Variants in PCDHA2 observed in about 807,000 individuals in gnomAD.
The protein encoded by PCDHA2 is protocadherin alpha-2.
In PCDHA2, 58 loss-of-function variants were observed where a neutral mutation model predicts 66.0. That is an observed-to-expected ratio of 0.88 (90% CI 0.71 to 1.09). PCDHA2 has a LOEUF of 1.09. PCDHA2 is among the 50% of genes least tolerant of loss of function. The pLI is 0.00. For synonymous variants in PCDHA2, 634 were observed against 554.0 expected (o/e 1.14, Z -2.03); for missense variants, 1,267 against 1,242.3 (o/e 1.02, Z -0.30).
rs1190939164 is a variant in PCDHA2, at chr5:140,968,882, C to T, written c.2389-10067C>T. ...CCCTCGGACATACTCTGAAATTACC[C>T]TTTATCTAATAATAGCATTAAGCAC... On this transcript the variant is annotated intron_variant, in intron 1 of 3. Transcript: ENST00000526136. 6 of 1,614,066 alleles carry T rather than the reference C, an allele frequency of 3.7e-6. No individual in the cohort carries two copies. The African/African-American group carries it at 6.7e-5, about 18-fold the overall frequency.
intron 1 of PCDHA2, among the ~76,000 whole-genome samples, chr5:140,888,562 G>T (rs781854673): frequency 6.6e-6 from 1 of 152,112 alleles, no homozygotes; most frequent in East Asian, 1.9e-4. Flanking sequence ...TCCTTTCAAG[G>T]CTTCATTTTA....
At chr5:140,875,039 A>G (rs1443862423) in intron 1 of PCDHA2, among the ~76,000 whole-genome samples, 1 of 152,230 alleles carries the variant, frequency 6.6e-6, no homozygotes, top group East Asian at 1.9e-4. Context: ...TATTTGAAAG[A>G]TTTCTACTTT....
At chr5:140,799,615 C>T (rs1200837729) in intron 1 of PCDHA2, among the ~76,000 whole-genome samples, 1 of 151,812 alleles carries the variant, frequency 6.6e-6, no homozygotes, top group Non-Finnish European at 1.5e-5. Context: ...ATTTATCTTG[C>T]TTGAAAAAGT....
chr5:140,854,536 A>G (rs930055548), intron 1 of PCDHA2: 6 of 150,026 alleles, frequency 4.0e-5, no homozygotes, highest in African/African-American at 1.5e-4. Context: ...CATTTCTGTC[A>G]GTTTTCTTAT....
At chr5:141,000,413 ATATATATATTT>A (rs1563651437) in intron 3 of PCDHA2, among the ~76,000 whole-genome samples, 3 of 93,258 alleles carry the variant, frequency 3.2e-5, no homozygotes, top group African/African-American at 1.4e-4. Flanking sequence ...ATATATATAT[ATATATATATTT>A]TTTTTTTTTT....
chr5:140,871,253 A>G (rs1372338399), intron 1 of PCDHA2: 1 of 1,613,856 alleles, frequency 6.2e-7, no homozygotes, highest in Non-Finnish European at 8.5e-7. Context: ...CTGCTGCTGT[A>G]TACGGCGCTG....
chr5:140,797,506 A>C, intron 1 of PCDHA2, 154 bp downstream of exon 1: 2 of 887,356 alleles, frequency 2.3e-6, no homozygotes, highest in Non-Finnish European at 3.5e-6. Flanking sequence ...AATTTATTGC[A>C]TTTACTGAAC....
At chr5:140,921,781 G>C (rs1393443819) in intron 1 of PCDHA2, among the ~76,000 whole-genome samples, 1 of 151,986 alleles carries the variant, frequency 6.6e-6, no homozygotes, top group Non-Finnish European at 1.5e-5. Context: ...TACTGACTTG[G>C]ATGTTCTAGA....
rs1554144490 is a variant in PCDHA2, at chr5:140,850,541, G to C, written c.2388+53189G>C. ...AGGCGCCAAAGTCATCGTCGCGGGC[G>C]TCAGTGGGTGCCACGGGCCCCGAGG... is the stretch of plus-strand genomic sequence containing the variant. On this transcript the variant is annotated intron_variant, in intron 1 of 3. Transcript: ENST00000526136. The C allele has an allele frequency of 2.5e-6, 4 of 1,598,386 alleles. 1 individual carries two copies. In the South Asian group the frequency reaches 4.4e-5, roughly 18 times the overall value.
At chr5:140,972,749 C>T (rs6899060) in intron 1 of PCDHA2, among the ~76,000 whole-genome samples, 3,772 of 151,356 alleles carry the variant, frequency 0.025, 151 homozygotes, top group African/African-American at 0.085. Flanking sequence ...CTGCAACCTC[C>T]GCCTCCCAAG....
At chr5:140,828,520 C>G in intron 1 of PCDHA2, 4 of 1,614,198 alleles carry the variant, frequency 2.5e-6, no homozygotes, top group Middle Eastern at 1.6e-4. Flanking sequence ...TGCTGATTTA[C>G]GAATCTAGGC....
chr5:140,798,577 T>C (rs1448005418), intron 1 of PCDHA2, among the ~76,000 whole-genome samples: 1 of 152,174 alleles, frequency 6.6e-6, no homozygotes, highest in South Asian at 2.1e-4. Flanking sequence ...ACTGCAGAGA[T>C]TGACTACTTT....
chr5:140,968,955 A>G, intron 1 of PCDHA2: 2 of 1,614,220 alleles, frequency 1.2e-6, no homozygotes, highest in Non-Finnish European at 1.7e-6. Flanking sequence ...AGCATCATCA[A>G]GTGCTACCGC....
At chr5:140,865,904 T>A (rs1554159710) in intron 1 of PCDHA2, 1 of 152,148 alleles carries the variant, frequency 6.6e-6, no homozygotes. Context: ...TACAGGCAAA[T>A]CTTTCTTTCT....
Position 140,882,583 on chromosome 5 carries a change from C to T in PCDHA2, c.2388+85231C>T, listed in dbSNP as rs143956549. ...GGCGGAGCGCGGAGTGCAGCATCCA[C>T]CTGGAGGTGATCGTGGACAGGCCTC... On this transcript the variant is annotated intron_variant, in intron 1 of 3. Coordinates refer to ENST00000526136, the MANE Select transcript of PCDHA2 (RefSeq NM_018905.3). 2.3e-3 allele frequency: 3,635 copies of T among 1,614,232 alleles called. 15 individuals are homozygous for T. Among genetic ancestry groups the T allele is most frequent in the Middle Eastern group, 9.6e-3 (58 of 6,060 alleles).
chr5:140,916,227 C>T (rs1554197349), intron 1 of PCDHA2, among the ~76,000 whole-genome samples: 2 of 152,208 alleles, frequency 1.3e-5, no homozygotes, highest in African/African-American at 4.8e-5. Context: ...AATATGCTTT[C>T]CAGGAGCCAA....
intron 1 of PCDHA2, among the ~76,000 whole-genome samples, chr5:140,976,934 C>T (rs995021593): frequency 1.3e-5 from 2 of 152,170 alleles, no homozygotes; most frequent in African/African-American, 2.4e-5. Context: ...TGTGTAGCTA[C>T]TTAAAACATA....
intron 1 of PCDHA2, chr5:140,883,566 C>A: frequency 1.2e-5 from 19 of 1,614,176 alleles, no homozygotes; most frequent in Non-Finnish European, 1.5e-5. Flanking sequence ...GGGGGCTCGC[C>A]TTCGCTGTGG....
intron 1 of PCDHA2, among the ~76,000 whole-genome samples, chr5:140,925,484 T>C (rs1178019565): frequency 6.6e-6 from 1 of 152,066 alleles, no homozygotes; most frequent in Admixed American, 6.6e-5. Flanking sequence ...CTCATAGAAC[T>C]GATCACTGTC....
Sources: allele counts gnomAD v4.1 joint callset (sites outside exome capture counted in the v4.1 genomes callset), GRCh38; gene constraint gnomAD v4.1.1; transcripts MANE v1.5; gene names NCBI Gene and HGNC (gene_info 2026-07-23, HGNC 2026-07-21).